The following SNAP23 variants were observed in gnomAD, a reference collection of about 807,000 sequenced individuals.
The protein encoded by SNAP23 is synaptosome associated protein 23, also known as synaptosomal-associated protein 23.
In SNAP23, 11 loss-of-function variants were observed where a neutral mutation model predicts 29.0. The ratio of observed to expected loss-of-function variants is 0.38; its 90% CI spans 0.24 to 0.63. The LOEUF (loss-of-function observed/expected upper bound fraction) is 0.63. SNAP23 is among the 20% of genes least tolerant of loss of function. The pLI, the probability that SNAP23 is intolerant of heterozygous loss-of-function variation, is 0.58. For synonymous variants in SNAP23, 60 were observed against 82.9 expected (o/e 0.72, Z 1.50); for missense variants, 220 against 253.9 (o/e 0.87, Z 0.91).
intron 7 of SNAP23, among the ~76,000 whole-genome samples, chr15:42,530,288 C>T (rs1322749159): frequency 2.6e-5 from 4 of 152,102 alleles, no homozygotes; most frequent in Non-Finnish European, 2.9e-5. Flanking sequence ...ATCCTCATCT[C>T]ATGAAAGAGT....
upstream of SNAP23, among the ~76,000 whole-genome samples, chr15:42,492,488 G>A (rs900108274): frequency 3.3e-5 from 5 of 151,740 alleles, no homozygotes; most frequent in Non-Finnish European, 7.4e-5. Flanking sequence ...GACCATCCTG[G>A]CCAACATGGT....
chr15:42,528,365 A>G lies in SNAP23; in HGVS notation c.370A>G (p.Asn124Asp), dbSNP rs771537344. The G allele has an allele frequency of 3.2e-5, 51 of 1,614,002 alleles. No individual in the cohort carries two copies. Among genetic ancestry groups the G allele is most frequent in the Admixed American group, 1.8e-4 (11 of 59,992 alleles). ...VVSKQPGPVT[N>D]GQLQQPTTGA... ...ATCTAAACAGCCAGGCCCGGTGACA[A>G]ATGGTCAGCTTCAGCAACCAACAAC... The change falls in exon 6 of 8, where the codon AAT becomes GAT. Residue 124 changes from asparagine (N) to aspartate (D), a missense_variant. Transcript: ENST00000249647.
In SNAP23 at chr15:42,529,660, G is replaced by T. The variant is rs749975482; in HGVS notation, c.426-15G>T. The T allele has an allele frequency of 1.2e-6, 2 of 1,610,508 alleles. No individual in the cohort carries two copies. ...TTCAACAAAACCTATGGAATTAACTGTCTTCTTGTGATAGCATAACTAATG... is the reference window on the plus strand; with the variant it reads ...TTCAACAAAACCTATGGAATTAACTTTCTTCTTGTGATAGCATAACTAATG... On this transcript the variant is annotated splice_polypyrimidine_tract_variant and intron_variant, in intron 6 of 7. Coordinates refer to ENST00000249647, the MANE Select transcript of SNAP23 (RefSeq NM_003825.4).
intron 1 of SNAP23, among the ~76,000 whole-genome samples, chr15:42,510,520 G>A (rs1361276277): frequency 2.0e-5 from 3 of 152,138 alleles, no homozygotes; most frequent in Non-Finnish European, 4.4e-5. Context: ...GATTCTTTGC[G>A]AGCTTTGTGC....
At position 42,506,901 on chromosome 15, in the gene SNAP23, C is replaced by T. The variant is rs939893683; in HGVS notation, c.-14-4932C>T. On this transcript the variant is annotated intron_variant, in intron 1 of 7. Transcript: ENST00000249647. ...TGATGCCATCTCGGCTCACTGTACCCTCTGCCTCCCAGGTTCAAGTGATTC... is the reference window on the plus strand; with the variant it reads ...TGATGCCATCTCGGCTCACTGTACCTTCTGCCTCCCAGGTTCAAGTGATTC... Among the ~76,000 whole-genome samples, 4 of 152,152 alleles carry T rather than the reference C, an allele frequency of 2.6e-5. No homozygotes were observed. The East Asian group carries it at 7.8e-4, about 29-fold the overall frequency.
At chr15:42,523,533 C>A (rs1371668316) in intron 5 of SNAP23, among the ~76,000 whole-genome samples, 2 of 152,170 alleles carry the variant, frequency 1.3e-5, no homozygotes, top group South Asian at 2.1e-4. Context: ...CACTTACAGG[C>A]ATGAACTGTT....
At chr15:42,502,546 A>G (rs2057281741) in intron 1 of SNAP23, among the ~76,000 whole-genome samples, 1 of 152,208 alleles carries the variant, frequency 6.6e-6, no homozygotes, top group Non-Finnish European at 1.5e-5. Flanking sequence ...TAAATAAAGC[A>G]TCTAAGTGAA....
rs771340828 is a variant in SNAP23 at position 42,531,465 on chromosome 15, T to G, written c.623T>G (p.Leu208Arg). Residue 208 changes from leucine to arginine, a missense_variant, in exon 8 of 8, where the codon CTC becomes CGC. Transcript: ENST00000249647. ...IDIANARAKKLIDS is the reference protein window; with the variant it reads ...IDIANARAKKRIDS ...ATTGCCAATGCCAGAGCAAAGAAAC[T>G]CATTGACAGCTAAAGCTACTGCTGT... 6 of 1,602,116 alleles carry G rather than the reference T, an allele frequency of 3.7e-6. No individual in the cohort carries two copies. The South Asian group carries it at 6.8e-5, about 18-fold the overall frequency.
At position 42,515,258 on chromosome 15, in the gene SNAP23, A is replaced by G. The variant is rs960512273; in HGVS notation, c.170A>G (p.Glu57Gly). The change falls in exon 5 of 8, where the codon GAA becomes GGA. Residue 57 changes from glutamate (E) to glycine (G), a missense_variant. Physicochemically the swap from Glu to Gly is moderately conservative, Grantham distance 98 (BLOSUM62 -2). Coordinates refer to ENST00000249647, the MANE Select transcript of SNAP23 (RefSeq NM_003825.4). ...EQKEQLNRIE[E>G]GLDQINKDMR... The stretch of plus-strand genomic sequence containing the variant: ...TTAGAACAACTAAACCGCATAGAAG[A>G]AGGCTTGGACCAAATAAATAAGGAC... 5 of 1,607,892 alleles carry G rather than the reference A, an allele frequency of 3.1e-6. No homozygotes were observed. The African/African-American group carries it at 6.7e-5, about 22-fold the overall frequency.
chr15:42,493,684 A>G (rs1417401231), upstream of SNAP23, among the ~76,000 whole-genome samples: 1 of 152,078 alleles, frequency 6.6e-6, no homozygotes, highest in Non-Finnish European at 1.5e-5. Context: ...AAGGCCCTCA[A>G]TATTGCTTAC....
At chr15:42,501,338 T>G (rs1595514842) in intron 1 of SNAP23, among the ~76,000 whole-genome samples, 3 of 152,318 alleles carry the variant, frequency 2.0e-5, no homozygotes, top group Admixed American at 2.0e-4. Context: ...AAATCATAAT[T>G]TTTTGGACTT....
At chr15:42,524,142 A>G (rs1343118700) in intron 5 of SNAP23, among the ~76,000 whole-genome samples, 1 of 151,992 alleles carries the variant, frequency 6.6e-6, no homozygotes, top group African/African-American at 2.4e-5. Flanking sequence ...TAATCCTGAC[A>G]TGTCCCTTTG....
At chr15:42,508,511 C>G (rs1377622995) in intron 1 of SNAP23, among the ~76,000 whole-genome samples, 1 of 152,078 alleles carries the variant, frequency 6.6e-6, no homozygotes, top group Non-Finnish European at 1.5e-5. Flanking sequence ...GAGTAGATAT[C>G]TGTTACTTGT....
At chr15:42,499,428 A>T (rs1320291805) in intron 1 of SNAP23, among the ~76,000 whole-genome samples, 1 of 152,274 alleles carries the variant, frequency 6.6e-6, no homozygotes, top group Middle Eastern at 3.4e-3. Flanking sequence ...AAAGAAAGTA[A>T]ACAAAAACAG....
intron 7 of SNAP23, 109 bp from the exon 8 acceptor site, chr15:42,531,304 C>A: frequency 1.6e-6 from 1 of 620,658 alleles, no homozygotes; most frequent in Non-Finnish European, 2.6e-6. Flanking sequence ...AATGTAACTT[C>A]ACGTGGTTTC....
rs185829810 is a variant in SNAP23, at chr15:42,520,300, C to T, written c.266+4946C>T. The stretch of plus-strand genomic sequence containing the variant: ...TCCTGACCACGTGATCCATCCACCT[C>T]GGCCTCCCAAAGTGCTGGGATTACA... On this transcript the variant is annotated intron_variant, in intron 5 of 7. Transcript: ENST00000249647. Among the ~76,000 whole-genome samples, 1,482 of 151,300 alleles carry T rather than the reference C, an allele frequency of 9.8e-3. 32 individuals are homozygous for T. The highest frequency in any genetic ancestry group is 0.035 in the African/African-American group (1,430 of 41,208).
intron 5 of SNAP23, among the ~76,000 whole-genome samples, chr15:42,522,700 T>A (rs1437048019): frequency 1.4e-5 from 2 of 143,766 alleles, no homozygotes; most frequent in Non-Finnish European, 3.0e-5. Flanking sequence ...AAAACTAATA[T>A]TGATGCAACC....
intron 7 of SNAP23, among the ~76,000 whole-genome samples, chr15:42,530,585 T>TA (rs34443756): frequency 6.6e-6 from 1 of 151,912 alleles, no homozygotes; most frequent in Non-Finnish European, 1.5e-5. Context: ...TCGACTCTAC[T>TA]AAAAAAATTT....
chr15:42,502,081 G>A (rs1030250927), intron 1 of SNAP23, among the ~76,000 whole-genome samples: 1 of 145,914 alleles, frequency 6.9e-6, no homozygotes, highest in African/African-American at 2.6e-5. Context: ...AGGCTGGAGT[G>A]CAGTGGCGCG....
Sources: allele counts gnomAD v4.1 joint callset (sites outside exome capture counted in the v4.1 genomes callset), GRCh38; gene constraint gnomAD v4.1.1; transcripts MANE v1.5; gene names NCBI Gene and HGNC (gene_info 2026-07-23, HGNC 2026-07-21).